Variants in CARS1 observed in about 807,000 individuals in gnomAD.
The protein encoded by CARS1 is cysteinyl-tRNA synthetase 1.
Under a neutral mutation model 106.2 loss-of-function variants are expected in CARS1, and 48 were observed. The ratio of observed to expected loss-of-function variants is 0.45; its 90% CI spans 0.36 to 0.57. CARS1 has a LOEUF of 0.57. Among genes scored for constraint, CARS1 ranks in the 20% least tolerant of loss-of-function variants. The pLI is 0.00. For missense variants in CARS1, 968 were observed against 1,057.2 expected, an observed-to-expected ratio of 0.92 and a Z score of 1.17; for synonymous variants, 409 against 403.4, an observed-to-expected ratio of 1.01 and a Z score of -0.17.
At chr11:3,005,502 G>T in intron 19 of CARS1, 69 bp from the exon 20 acceptor site, 2 of 1,116,930 alleles carry the variant, frequency 1.8e-6, no homozygotes, top group Non-Finnish European at 2.7e-6. Context: ...GGCCAGCCCT[G>T]CCCTGCCCTG....
At position 3,050,154 on chromosome 11, in the gene CARS1, G is replaced by A. The variant is rs1855514836; in HGVS notation, c.26-2153C>T. On this transcript the variant is annotated intron_variant, in intron 1 of 22. Transcript: ENST00000380525. The surrounding 1 kb of genome is among the most constrained non-coding windows in gnomAD (Gnocchi z 6.3). ...CCTCTTCTCTGCAGTAAAGGGGTGGGCACTCTGTGGGAGAGCCTTCCTGAA... is the reference window on the plus strand; with the variant it reads ...CCTCTTCTCTGCAGTAAAGGGGTGGACACTCTGTGGGAGAGCCTTCCTGAA... Among the ~76,000 whole-genome samples the A allele has an allele frequency of 6.6e-6, 1 of 152,192 alleles. No individual in the cohort carries two copies. The highest frequency in any genetic ancestry group is 2.4e-5 in the African/African-American group (1 of 41,440).
In CARS1 at chr11:3,029,300, T is replaced by TA. The variant is rs760018208; in HGVS notation, c.942+2dup. 3.7e-6 allele frequency: 6 copies of TA among 1,613,968 alleles called. No individual in the cohort carries two copies. The highest frequency in any genetic ancestry group is 5.1e-6 in the Non-Finnish European group (6 of 1,179,896). Reference sequence around the variant, plus strand: ...GCCAGCACAAGACAATCGTGACACTTACATTCAGAGCTTCCATGTCTCTGT... The same window carrying TA: ...GCCAGCACAAGACAATCGTGACACTTAACATTCAGAGCTTCCATGTCTCTGT... On this transcript the variant is annotated splice_region_variant and intron_variant, in intron 8 of 22. Transcript: ENST00000380525. This position sits in a 1 kb window ranked among gnomAD's most constrained non-coding sequence, Gnocchi z 5.9.
At position 3,041,277 on chromosome 11, in the gene CARS1, C is replaced by T. The variant is rs1014982686; in HGVS notation, c.367-293G>A. On this transcript the variant is annotated intron_variant, in intron 3 of 22. Coordinates refer to ENST00000380525, the MANE Select transcript of CARS1 (RefSeq NM_001014437.3). The surrounding 1 kb of genome is among the most constrained non-coding windows in gnomAD (Gnocchi z 4.9). ...AATGATTTTATTGATTGTTGAAATG[C>T]TGCTTATTTAACAATAACACAGCTA... 4 of 424,372 alleles carry T rather than the reference C, an allele frequency of 9.4e-6. No homozygotes were observed. Among genetic ancestry groups the T allele is most frequent in the East Asian group, 4.5e-5 (1 of 22,134 alleles). 26.3% of individuals were successfully genotyped at this position (424,372 alleles called of 1,614,324 possible).
In CARS1 at chr11:3,004,721, G is replaced by A. The variant is rs368778486; in HGVS notation, c.2217+645C>T. Among the ~76,000 whole-genome samples the A allele has an allele frequency of 6.6e-6, 1 of 152,218 alleles. No homozygotes were observed. Among genetic ancestry groups the A allele is most frequent in the South Asian group, 2.1e-4 (1 of 4,834 alleles). On this transcript the variant is annotated intron_variant, in intron 20 of 22. Transcript: ENST00000380525. This position sits in a 1 kb window ranked among gnomAD's most constrained non-coding sequence, Gnocchi z 5.2. ...TCCCTGATCCTGGGGGCGTTGTGGG[G>A]TGCAGGTGGGGAGTATGCTGGGAAT...
Position 3,028,993 on chromosome 11 carries a change from T to C in CARS1, c.1031+3A>G. ...CCTCCCTAGGGAAGGCCCTTGTGCT[T>C]ACCCGTAACCGTTGTCCACAATCTT... is the stretch of plus-strand genomic sequence containing the variant. On this transcript the variant is annotated splice_donor_region_variant and intron_variant, in intron 9 of 22. Transcript: ENST00000380525. The surrounding 1 kb of genome is among the most constrained non-coding windows in gnomAD (Gnocchi z 4.4). The C allele has an allele frequency of 6.2e-7, 1 of 1,610,512 alleles. No individual in the cohort carries two copies. Among genetic ancestry groups the C allele is most frequent in the Non-Finnish European group, 8.5e-7 (1 of 1,176,810 alleles).
intron 17 of CARS1, among the ~76,000 whole-genome samples, chr11:3,013,940 G>A (rs900178371): frequency 3.3e-5 from 5 of 152,188 alleles, no homozygotes; most frequent in Admixed American, 1.3e-4. Flanking sequence ...GACAGAGTGA[G>A]ACTCTGTCTC....
Position 3,037,690 on chromosome 11 carries a change from C to G in CARS1, c.801+360G>C, listed in dbSNP as rs1424295908. On this transcript the variant is annotated intron_variant, in intron 7 of 22. Coordinates refer to ENST00000380525, the MANE Select transcript of CARS1 (RefSeq NM_001014437.3). This position sits in a 1 kb window ranked among gnomAD's most constrained non-coding sequence, Gnocchi z 5.9. ...AATGTTAATCCCTGCTCCTCCTTCT[C>G]CAGCTGGTGTGGGGAGAGTCCGCTG... 6.6e-6 allele frequency among the ~76,000 whole-genome samples: 1 copy of G among 152,226 alleles called. No homozygotes were observed. Among genetic ancestry groups the G allele is most frequent in the Non-Finnish European group, 1.5e-5 (1 of 68,028 alleles).
At position 3,022,893 on chromosome 11, in the gene CARS1, C is replaced by T. The variant is rs137953601; in HGVS notation, c.1154-2561G>A. Among the ~76,000 whole-genome samples the T allele has an allele frequency of 7.9e-5, 12 of 152,274 alleles. No homozygotes were observed. Among genetic ancestry groups the T allele is most frequent in the African/African-American group, 2.9e-4 (12 of 41,558 alleles). ...AGTCCCCATGGCGAGGAGCACATGACTGCACAGAGCTAAGGCTACACTCCT... is the reference window on the plus strand; with the variant it reads ...AGTCCCCATGGCGAGGAGCACATGATTGCACAGAGCTAAGGCTACACTCCT... On this transcript the variant is annotated intron_variant, in intron 10 of 22. Transcript: ENST00000380525. This position sits in a 1 kb window ranked among gnomAD's most constrained non-coding sequence, Gnocchi z 4.9.
At position 3,044,420 on chromosome 11, in the gene CARS1, T is replaced by G. The variant is rs1854866183; in HGVS notation, c.275-2164A>C. ...TCACATAAGGACCCTTGCCCCCCTT[T>G]TTTTTTTTTAGATAAAATCTGGCTG... is the stretch of plus-strand genomic sequence containing the variant. On this transcript the variant is annotated intron_variant, in intron 2 of 22. Coordinates refer to ENST00000380525, the MANE Select transcript of CARS1 (RefSeq NM_001014437.3). This position sits in a 1 kb window ranked among gnomAD's most constrained non-coding sequence, Gnocchi z 4.4. Among the ~76,000 whole-genome samples the G allele has an allele frequency of 6.6e-6, 1 of 151,650 alleles. No homozygotes were observed. Among genetic ancestry groups the G allele is most frequent in the African/African-American group, 2.4e-5 (1 of 41,218 alleles).
Position 3,019,228 on chromosome 11 carries a change from C to T in CARS1, c.1306G>A (p.Gly436Ser). The T allele has an allele frequency of 6.7e-7, 1 of 1,488,166 alleles. No homozygotes were observed. The highest frequency in any genetic ancestry group is 2.5e-5 in the East Asian group (1 of 40,114). The allele number at this position is 1,488,166 out of a possible 1,614,324, so 92.2% of individuals were successfully genotyped here. ...TCCATCGAAGCCCCTAGGAGGGTGC[C>T]TGCCATGGCCGAGCACTCGATATGC... ...GWHIECSAMA[G>S]TLLGASMDIH... is the part of the protein sequence containing the mutation. Residue 436 changes from glycine (G) to serine (S), a missense_variant, in exon 12 of 23, where the codon GGC (glycine) becomes AGC (serine). Physicochemically the swap from Gly to Ser is moderately conservative, Grantham distance 56 (BLOSUM62 0). Transcript: ENST00000380525. The surrounding 1 kb of genome is among the most constrained non-coding windows in gnomAD (Gnocchi z 6.2).
In CARS1 at chr11:3,046,665, G is replaced by C. The variant is rs957483546; in HGVS notation, c.274+1088C>G. On this transcript the variant is annotated intron_variant, in intron 2 of 22. Coordinates refer to ENST00000380525, the MANE Select transcript of CARS1 (RefSeq NM_001014437.3). The surrounding 1 kb of genome is among the most constrained non-coding windows in gnomAD (Gnocchi z 5.8). The stretch of plus-strand genomic sequence containing the variant: ...ATGTTCCCAATCCCAGGCCCCAACG[G>C]AGTCTGGAGAAGCCCCCAGAAGGCT... Among the ~76,000 whole-genome samples the C allele has an allele frequency of 6.6e-6, 1 of 152,186 alleles. No homozygotes were observed. The highest frequency in any genetic ancestry group is 2.4e-5 in the African/African-American group (1 of 41,450).
rs779982329 is a variant in CARS1 at position 3,012,286 on chromosome 11, G to GT, written c.1987-11_1987-10insA. 2.5e-6 allele frequency: 4 copies of GT among 1,613,638 alleles called. No homozygotes were observed. Among genetic ancestry groups the GT allele is most frequent in the Non-Finnish European group, 3.4e-6 (4 of 1,179,626 alleles). On this transcript the variant is annotated splice_polypyrimidine_tract_variant and intron_variant, in intron 17 of 22. Coordinates refer to ENST00000380525, the MANE Select transcript of CARS1 (RefSeq NM_001014437.3). ...TGACTGTGGCCTCGAGCTGCGGAAA[G>GT]AACAGTTTTGGTTCACTGAGAGCTG...
rs574966776 is a variant in CARS1 at position 3,024,053 on chromosome 11, C to T, written c.1153+2623G>A. Among the ~76,000 whole-genome samples, 108 of 152,196 alleles carry T rather than the reference C, an allele frequency of 7.1e-4. 1 individual carries two copies. Among genetic ancestry groups the T allele is most frequent in the Non-Finnish European group, 6.9e-4 (47 of 68,006 alleles). Reference sequence around the variant, plus strand: ...GACTACAGGCATGCGCCACCACACCCGGCTAATTTTTGTATTTTTAGTAGA... The same window carrying T: ...GACTACAGGCATGCGCCACCACACCTGGCTAATTTTTGTATTTTTAGTAGA... On this transcript the variant is annotated intron_variant, in intron 10 of 22. Coordinates refer to ENST00000380525, the MANE Select transcript of CARS1 (RefSeq NM_001014437.3).
rs1199605202 is a variant in CARS1, at chr11:3,008,626, A to G, written c.2069-1667T>C. 1 of 152,070 alleles carries G rather than the reference A, an allele frequency of 6.6e-6. No individual in the cohort carries two copies. Among genetic ancestry groups the G allele is most frequent in the East Asian group, 1.9e-4 (1 of 5,198 alleles). 9.4% of individuals were successfully genotyped at this position (152,070 alleles called of 1,614,324 possible). On this transcript the variant is annotated intron_variant, in intron 18 of 22. Transcript: ENST00000380525. The surrounding 1 kb of genome is among the most constrained non-coding windows in gnomAD (Gnocchi z 5.1). ...GGGCAAGACTCCATCTCAAAAAAAA[A>G]AAAAAAAAATTGCATATCCTTGGGC... is the stretch of plus-strand genomic sequence containing the variant.
At position 3,041,334 on chromosome 11, in the gene CARS1, C is replaced by A; in HGVS notation, c.367-350G>T. On this transcript the variant is annotated intron_variant, in intron 3 of 22. Coordinates refer to ENST00000380525, the MANE Select transcript of CARS1 (RefSeq NM_001014437.3). This position sits in a 1 kb window ranked among gnomAD's most constrained non-coding sequence, Gnocchi z 4.9. ...ACTGAGTACCTACCATGTGCCAGGCCCTGAGCTAAATATTCAATATGCAGT... is the reference window on the plus strand; with the variant it reads ...ACTGAGTACCTACCATGTGCCAGGCACTGAGCTAAATATTCAATATGCAGT... 1 of 270,458 alleles carries A rather than the reference C, an allele frequency of 3.7e-6. No individual in the cohort carries two copies. The highest frequency in any genetic ancestry group is 7.2e-6 in the Non-Finnish European group (1 of 138,590). 16.8% of individuals were successfully genotyped at this position (270,458 alleles called of 1,614,324 possible).
In CARS1 at chr11:3,047,841, C is replaced by G; in HGVS notation, c.186G>C (p.Gln62His). ...TGAACCACCGAGCCACGTGGAAGAG[C>G]TGGGGGTCAGCGGGCGGGGCCGAGA... is the stretch of plus-strand genomic sequence containing the variant. ...RQLSAPPADP[Q>H]LFHVARWFRH... Residue 62 changes from glutamine to histidine, a missense_variant, in exon 2 of 23, where the codon CAG becomes CAC. Physicochemically the swap from Gln to His is conservative, Grantham distance 24. Coordinates refer to ENST00000380525, the MANE Select transcript of CARS1 (RefSeq NM_001014437.3). 1.2e-6 allele frequency: 2 copies of G among 1,614,112 alleles called. No individual in the cohort carries two copies. The highest frequency in any genetic ancestry group is 1.7e-6 in the Non-Finnish European group (2 of 1,180,018).
chr11:3,016,135 C>T (rs957286146), intron 16 of CARS1, among the ~76,000 whole-genome samples: 2 of 152,090 alleles, frequency 1.3e-5, no homozygotes, highest in African/African-American at 4.8e-5. Flanking sequence ...TGAGTCCAGG[C>T]CCTGCTGGCC....
At position 3,039,899 on chromosome 11, in the gene CARS1, A is replaced by T; in HGVS notation, c.488T>A (p.Val163Glu). The T allele has an allele frequency of 1.3e-6, 2 of 1,589,618 alleles. No homozygotes were observed. Among genetic ancestry groups the T allele is most frequent in the Non-Finnish European group, 1.7e-6 (2 of 1,166,850 alleles). The change falls in exon 5 of 23, where the codon GTG becomes GAG. Residue 163 changes from valine to glutamate, a missense_variant. By Grantham distance (121) the Val-to-Glu change is moderately radical (BLOSUM62 -2). Transcript: ENST00000380525. This position sits in a 1 kb window ranked among gnomAD's most constrained non-coding sequence, Gnocchi z 5.6. ...ATCAAATTTGAAGTAATCCTTCAACACTCTTCTCAAGATATCAAAAGAGAT... is the reference window on the plus strand; with the variant it reads ...ATCAAATTTGAAGTAATCCTTCAACTCTCTTCTCAAGATATCAAAAGAGAT... The part of the protein sequence containing the change: ...SYISFDILRR[V>E]LKDYFKFDVF...
rs1218424095 is a variant in CARS1 at position 3,003,880 on chromosome 11, G to C, written c.2218-1280C>G. Among the ~76,000 whole-genome samples the C allele has an allele frequency of 5.3e-5, 8 of 152,180 alleles. No homozygotes were observed. Among genetic ancestry groups the C allele is most frequent in the Admixed American group, 5.2e-4 (8 of 15,282 alleles). ...CTTGCAGCAGCTTGGTGAGGTAAGA[G>C]TCCCTTGGTTGGGAAACAGGAGCTA... On this transcript the variant is annotated intron_variant, in intron 20 of 22. Coordinates refer to ENST00000380525, the MANE Select transcript of CARS1 (RefSeq NM_001014437.3). This position sits in a 1 kb window ranked among gnomAD's most constrained non-coding sequence, Gnocchi z 4.8.
Sources: gnomAD v4.1 joint callset for allele counts (sites outside exome capture counted in the v4.1 genomes callset) on GRCh38, gnomAD v4.1.1 for gene constraint, Gnocchi (gnomAD v3.1) non-coding constraint, MANE v1.5 for transcripts, NCBI Gene and HGNC (gene_info 2026-07-23, HGNC 2026-07-21) for gene names.